Variants in LYN observed in about 807,000 individuals in gnomAD.
LYN encodes tyrosine-protein kinase Lyn.
LYN carries 12 observed loss-of-function variants against 65.0 expected under a neutral mutation model. The ratio of observed to expected loss-of-function variants is 0.18; its 90% CI spans 0.12 to 0.30. LYN has a LOEUF of 0.30. LYN is among the 10% of genes least tolerant of loss of function. LYN has a pLI of 1.00. For missense variants in LYN, 380 were observed against 623.2 expected, an observed-to-expected ratio of 0.61 and a Z score of 4.16; for synonymous variants, 222 against 221.2, an observed-to-expected ratio of 1.00 and a Z score of -0.03.
intron 9 of LYN, among the ~76,000 whole-genome samples, chr8:55,967,756 T>C (rs1254616537): frequency 6.6e-6 from 1 of 152,242 alleles, no homozygotes; most frequent in African/African-American, 2.4e-5. Flanking sequence ...GAGAATAGAC[T>C]TCAAGCAATC....
intron 1 of LYN, among the ~76,000 whole-genome samples, chr8:55,925,357 C>T (rs1265964809): frequency 1.3e-5 from 2 of 152,172 alleles, no homozygotes; most frequent in Non-Finnish European, 2.9e-5. Context: ...ACTCCTGGCT[C>T]AAGCAGTCCT....
At chr8:55,977,575 A>C (rs945133408) in intron 10 of LYN, among the ~76,000 whole-genome samples, 1 of 151,930 alleles carries the variant, frequency 6.6e-6, no homozygotes, top group Admixed American at 6.6e-5. Context: ...TGAGACCAGG[A>C]AGGGTGGGAT....
At chr8:55,991,804 G>A (rs996209435) in intron 10 of LYN, among the ~76,000 whole-genome samples, 12 of 152,122 alleles carry the variant, frequency 7.9e-5, no homozygotes, top group Admixed American at 2.0e-4. Context: ...TTTTAAAAAC[G>A]AAAATGAAAA....
intron 6 of LYN, among the ~76,000 whole-genome samples, chr8:55,951,579 C>G (rs151086117): frequency 6.6e-6 from 1 of 151,266 alleles, no homozygotes; most frequent in African/African-American, 2.4e-5. Flanking sequence ...GTAGAAAGAT[C>G]GTTTGAGCCC....
chr8:55,913,711 G>A (rs888693069), intron 1 of LYN, among the ~76,000 whole-genome samples: 1 of 152,238 alleles, frequency 6.6e-6, no homozygotes, highest in African/African-American at 2.4e-5. Flanking sequence ...AAGCACAGAC[G>A]TGGAAGAAGG....
chr8:55,942,347 A>G (rs1166677860), intron 2 of LYN, among the ~76,000 whole-genome samples: 1 of 145,772 alleles, frequency 6.9e-6, no homozygotes, highest in Admixed American at 6.9e-5. Flanking sequence ...ATATATGTGT[A>G]TATATATGTG....
chr8:55,923,347 A>G (rs1008718561), intron 1 of LYN, among the ~76,000 whole-genome samples: 3 of 152,054 alleles, frequency 2.0e-5, no homozygotes, highest in Admixed American at 2.0e-4. Context: ...ACATCTGCTC[A>G]GTTTCCGCCT....
At chr8:55,985,055 G>C (rs1172315208) in intron 10 of LYN, among the ~76,000 whole-genome samples, 2 of 152,162 alleles carry the variant, frequency 1.3e-5, no homozygotes, top group Non-Finnish European at 2.9e-5. Context: ...TCAATAGTCG[G>C]GAAACACTGC....
intron 12 of LYN, among the ~76,000 whole-genome samples, chr8:56,007,137 C>A (rs1165684757): frequency 6.6e-6 from 1 of 152,138 alleles, no homozygotes; most frequent in Non-Finnish European, 1.5e-5. Context: ...GCATTCTGAC[C>A]TTTTATGCAA....
chr8:55,958,981 G>A (rs1327500420), intron 8 of LYN, among the ~76,000 whole-genome samples: 3 of 152,172 alleles, frequency 2.0e-5, no homozygotes, highest in South Asian at 2.1e-4. Context: ...TCCAGAAGTG[G>A]AATGGCTGGA....
In LYN at chr8:55,966,897, G is replaced by T; in HGVS notation, c.973G>T (p.Gly325Cys). 1 of 1,612,376 alleles carries T rather than the reference G, an allele frequency of 6.2e-7. No homozygotes were observed. Among genetic ancestry groups the T allele is most frequent in the Non-Finnish European group, 8.5e-7 (1 of 1,179,152 alleles). The change falls in exon 9 of 13, where the codon GGC (glycine) becomes TGC (cysteine). Residue 325 changes from glycine to cysteine, a missense_variant and splice_region_variant. Physicochemically the swap from Gly to Cys is radical, Grantham distance 159 (BLOSUM62 -3). Coordinates refer to ENST00000519728, the MANE Select transcript of LYN (RefSeq NM_002350.4). Reference sequence around the variant, plus strand: ...CATCATCACCGAGTACATGGCCAAGGGTGAGTTCCTCCCACTGCCCAGAGC... The same window carrying T: ...CATCATCACCGAGTACATGGCCAAGTGTGAGTTCCTCCCACTGCCCAGAGC... ...IYIITEYMAK[G>C]SLLDFLKSDE... is the part of the protein sequence containing the mutation.
chr8:55,938,229 G>A (rs1017516634), intron 1 of LYN, among the ~76,000 whole-genome samples: 12 of 152,210 alleles, frequency 7.9e-5, no homozygotes, highest in African/African-American at 1.4e-4. Flanking sequence ...CTGCCTGGCC[G>A]TTTGTGTCTC....
intron 1 of LYN, among the ~76,000 whole-genome samples, chr8:55,919,358 TTGAG>T (rs1390255210): frequency 6.6e-6 from 1 of 152,164 alleles, no homozygotes; most frequent in Non-Finnish European, 1.5e-5. Flanking sequence ...AGTGTAGAGT[TTGAG>T]TGAGAAGAAT....
intron 12 of LYN, among the ~76,000 whole-genome samples, chr8:56,006,534 C>T (rs1167550310): frequency 6.6e-6 from 1 of 152,218 alleles, no homozygotes; most frequent in Non-Finnish European, 1.5e-5. Flanking sequence ...TCTTTACCAA[C>T]TTGTAGTCTC....
intron 1 of LYN, among the ~76,000 whole-genome samples, chr8:55,902,263 C>T (rs199545095): frequency 6.6e-6 from 1 of 152,060 alleles, no homozygotes; most frequent in East Asian, 1.9e-4. Flanking sequence ...CCATTTTTGC[C>T]TCCCAAAGTG....
chr8:56,007,489 G>C (rs767778419), intron 12 of LYN, among the ~76,000 whole-genome samples: 1 of 152,172 alleles, frequency 6.6e-6, no homozygotes, highest in Non-Finnish European at 1.5e-5. Context: ...ATTAGACTCA[G>C]GAAAATGGAT....
chr8:55,914,192 G>C (rs747991747), intron 1 of LYN, among the ~76,000 whole-genome samples: 1 of 151,888 alleles, frequency 6.6e-6, no homozygotes, highest in Non-Finnish European at 1.5e-5. Flanking sequence ...CAGGTCAGAG[G>C]GTTTTTAGGA....
intron 12 of LYN, among the ~76,000 whole-genome samples, chr8:56,007,142 A>G (rs987440873): frequency 6.6e-6 from 1 of 152,182 alleles, no homozygotes; most frequent in African/African-American, 2.4e-5. Context: ...CTGACCTTTT[A>G]TGCAAATGAG....
At chr8:55,904,890 G>A (rs898618959) in intron 1 of LYN, among the ~76,000 whole-genome samples, 6 of 152,212 alleles carry the variant, frequency 3.9e-5, no homozygotes, top group Non-Finnish European at 8.8e-5. Context: ...TAAGGTTGTA[G>A]TGTAGAGTGT....
Sources: allele counts gnomAD v4.1 joint callset (sites outside exome capture counted in the v4.1 genomes callset), GRCh38; gene constraint gnomAD v4.1.1; transcripts MANE v1.5; gene names NCBI Gene and HGNC (gene_info 2026-07-23, HGNC 2026-07-21).